The following PSAT1 variants were observed in gnomAD, a reference collection of about 807,000 sequenced individuals.
PSAT1 encodes the protein phosphoserine aminotransferase.
PSAT1 carries 41 observed loss-of-function variants against 40.3 expected under a neutral mutation model. The ratio of observed to expected loss-of-function variants is 1.02; its 90% CI spans 0.79 to 1.32. The LOEUF is 1.32. Among genes scored for constraint, PSAT1 ranks in the 40% most tolerant of loss-of-function variants. The pLI, the probability that PSAT1 is intolerant of heterozygous loss-of-function variation, is 0.00. For synonymous variants in PSAT1, 147 were observed against 170.5 expected (o/e 0.86, Z 1.07); for missense variants, 406 against 455.8 (o/e 0.89, Z 0.99).
chr9:78,298,225 G>A, intron 1 of PSAT1: 3 of 961,494 alleles, frequency 3.1e-6, no homozygotes, highest in Non-Finnish European at 3.7e-6. Context: ...AGTCTCCGAT[G>A]TGCCTTGAGC....
rs141038530 is a variant in PSAT1, at chr9:78,319,390, G to A, written c.869+1586G>A. On this transcript the variant is annotated intron_variant, in intron 7 of 8. Transcript: ENST00000376588. ...CAGGGGGAGTTAGGCTTGGCGGGATGCCTTGGCCTTTGGGCTCCTTTCCCA... is the reference window on the plus strand; with the variant it reads ...CAGGGGGAGTTAGGCTTGGCGGGATACCTTGGCCTTTGGGCTCCTTTCCCA... Among the ~76,000 whole-genome samples the A allele has an allele frequency of 7.4e-4, 112 of 152,318 alleles. 4 individuals are homozygous for A. The East Asian group carries it at 0.02, about 27-fold the overall frequency.
intron 7 of PSAT1, among the ~76,000 whole-genome samples, chr9:78,325,977 G>A (rs1002015465): frequency 6.6e-6 from 1 of 152,082 alleles, no homozygotes; most frequent in African/African-American, 2.4e-5. Flanking sequence ...TCTGATTGGA[G>A]CCTCACATTG....
At chr9:78,328,582 T>TC (rs1179934441) in intron 8 of PSAT1, among the ~76,000 whole-genome samples, 1 of 152,064 alleles carries the variant, frequency 6.6e-6, no homozygotes, top group African/African-American at 2.4e-5. Flanking sequence ...AAAATAAATG[T>TC]CCTCACATGA....
chr9:78,320,930 G>A (rs569572226), intron 7 of PSAT1, among the ~76,000 whole-genome samples: 20 of 152,188 alleles, frequency 1.3e-4, no homozygotes, highest in African/African-American at 3.6e-4. Context: ...CAGAAAGAAC[G>A]GTGATACCAC....
At chr9:78,320,362 G>T (rs141171701) in intron 7 of PSAT1, among the ~76,000 whole-genome samples, 1,301 of 98,820 alleles carry the variant, frequency 0.013, 26 homozygotes, top group African/African-American at 0.06. Context: ...CCATCCATCT[G>T]CCCACCCATC....
chr9:78,297,250 C>A lies in PSAT1; in HGVS notation c.40C>A (p.Pro14Thr). 1 of 1,601,708 alleles carries A rather than the reference C, an allele frequency of 6.2e-7. No homozygotes were observed. Among genetic ancestry groups the A allele is most frequent in the South Asian group, 1.1e-5 (1 of 90,158 alleles). The change falls in exon 1 of 9, where the codon CCC becomes ACC. Residue 14 changes from proline (P) to threonine (T), a missense_variant. Physicochemically the swap from Pro to Thr is conservative, Grantham distance 38 (BLOSUM62 -1). Coordinates refer to ENST00000376588, the MANE Select transcript of PSAT1 (RefSeq NM_058179.4). ...GCAGGTGGTCAACTTTGGGCCTGGTCCCGCCAAGCTGCCGCACTCAGTAAG... is the reference window on the plus strand; with the variant it reads ...GCAGGTGGTCAACTTTGGGCCTGGTACCGCCAAGCTGCCGCACTCAGTAAG... Reference protein sequence around the residue: ...PRQVVNFGPGPAKLPHSVLLE... With the variant: ...PRQVVNFGPGTAKLPHSVLLE...
intron 1 of PSAT1, chr9:78,298,440 A>T (rs1281594481): frequency 3.0e-6 from 3 of 984,966 alleles, no homozygotes; most frequent in Non-Finnish European, 2.4e-6. Context: ...AGGACTTCTT[A>T]CTTTTCTAGG....
At chr9:78,307,828 T>G (rs1828206985) in intron 5 of PSAT1, among the ~76,000 whole-genome samples, 1 of 152,096 alleles carries the variant, frequency 6.6e-6, no homozygotes, top group Non-Finnish European at 1.5e-5. Flanking sequence ...GATCATGAGA[T>G]CAGGAGTTCA....
rs745532660 is a variant in PSAT1, at chr9:78,304,784, G to C, written c.241G>C (p.Gly81Arg). ...GATTTTTCTGCAAGGAGGTGGGTGC[G>C]GCCAGTTCAGTGCTGTCCCCTTAAA... ...KVIFLQGGGC[G>R]QFSAVPLNLI... is the part of the protein sequence containing the mutation. The change falls in exon 4 of 9, where the codon GGC becomes CGC. Residue 81 changes from glycine to arginine, a missense_variant. By Grantham distance (125) the Gly-to-Arg change is moderately radical. Transcript: ENST00000376588. The C allele has an allele frequency of 1.2e-6, 2 of 1,614,134 alleles. No homozygotes were observed. The highest frequency in any genetic ancestry group is 1.7e-6 in the Non-Finnish European group (2 of 1,180,020).
chr9:78,299,726 T>G (rs752686288), intron 1 of PSAT1, among the ~76,000 whole-genome samples: 6 of 152,116 alleles, frequency 3.9e-5, no homozygotes, highest in Non-Finnish European at 7.4e-5. Flanking sequence ...TTGGCCAAGA[T>G]GGTCTCAATC....
chr9:78,301,596 A>G (rs1163196084), intron 2 of PSAT1, among the ~76,000 whole-genome samples: 2 of 152,292 alleles, frequency 1.3e-5, no homozygotes, highest in South Asian at 2.1e-4. Context: ...AGATCACAGC[A>G]TGGAATTTTG....
Position 78,306,024 on chromosome 9 carries a change from A to C in PSAT1, c.398-290A>C, listed in dbSNP as rs528023728. 3.9e-5 allele frequency among the ~76,000 whole-genome samples: 6 copies of C among 152,184 alleles called. No homozygotes were observed. In the South Asian group the frequency reaches 1.2e-3, roughly 32 times the overall value. ...GTGATCCTCCCACCTTAGCCTCCTA[A>C]ATATCTGGGACTATGGGCACATACC... On this transcript the variant is annotated intron_variant, in intron 4 of 8. Transcript: ENST00000376588.
At chr9:78,305,531 CAAT>C (rs1828169407) in intron 4 of PSAT1, among the ~76,000 whole-genome samples, 1 of 152,188 alleles carries the variant, frequency 6.6e-6, no homozygotes, top group African/African-American at 2.4e-5. Context: ...GGGGCCCCAA[CAAT>C]GTCTCCAGGA....
chr9:78,320,623 C>T (rs1365940264), intron 7 of PSAT1, among the ~76,000 whole-genome samples: 1 of 150,652 alleles, frequency 6.6e-6, no homozygotes, highest in Admixed American at 6.6e-5. Context: ...ATCCACTCAT[C>T]CATTCTCCCA....
intron 1 of PSAT1, among the ~76,000 whole-genome samples, chr9:78,299,190 A>G (rs1828070941): frequency 7.3e-6 from 1 of 137,044 alleles, no homozygotes; most frequent in Non-Finnish European, 1.5e-5. Context: ...TGATCCACAA[A>G]AGCAATGCAT....
intron 3 of PSAT1, among the ~76,000 whole-genome samples, chr9:78,302,341 T>C (rs1467382466): frequency 6.6e-6 from 1 of 152,210 alleles, no homozygotes; most frequent in African/African-American, 2.4e-5. Context: ...TGGTCATCTT[T>C]GTCAGCATAA....
At chr9:78,326,856 AT>A (rs1389697957) in intron 7 of PSAT1, among the ~76,000 whole-genome samples, 4 of 150,316 alleles carry the variant, frequency 2.7e-5, no homozygotes, top group Non-Finnish European at 4.4e-5. Context: ...GTGGTTTCAC[AT>A]ATCTGGCAGT....
intron 7 of PSAT1, among the ~76,000 whole-genome samples, chr9:78,327,092 A>T (rs1449637574): frequency 6.7e-6 from 1 of 149,842 alleles, no homozygotes; most frequent in Non-Finnish European, 1.5e-5. Flanking sequence ...AGTAGCTGGG[A>T]TTACAGGTGT....
chr9:78,327,130 A>AT (rs34879641), intron 7 of PSAT1, among the ~76,000 whole-genome samples: 32 of 141,808 alleles, frequency 2.3e-4, no homozygotes, highest in South Asian at 6.7e-4. Flanking sequence ...TAATTTTTGT[A>AT]TTTTTTTTTT....
Sources: gnomAD v4.1 joint callset for allele counts (sites outside exome capture counted in the v4.1 genomes callset) on GRCh38, gnomAD v4.1.1 for gene constraint, MANE v1.5 for transcripts, NCBI Gene and HGNC (gene_info 2026-07-23, HGNC 2026-07-21) for gene names.